Variants in MDFIC observed in about 807,000 individuals in gnomAD.
MDFIC encodes MyoD family inhibitor domain containing.
A neutral mutation model predicts 23.2 loss-of-function variants in MDFIC; 17 were observed. The ratio of observed to expected loss-of-function variants is 0.73; its 90% CI spans 0.50 to 1.10. The LOEUF (loss-of-function observed/expected upper bound fraction) is 1.10, where lower values mean the gene tolerates loss of function less well. Among genes scored for constraint, MDFIC ranks in the 50% least tolerant of loss-of-function variants. The pLI, the probability that MDFIC is intolerant of heterozygous loss-of-function variation, is 0.00. For synonymous variants in MDFIC, 120 were observed against 115.2 expected, an observed-to-expected ratio of 1.04 and a Z score of -0.27; for missense variants, 356 against 316.6, an observed-to-expected ratio of 1.12 and a Z score of -0.95.
At chr7:114,932,535 G>C (rs1792334203) in intron 2 of MDFIC, among the ~76,000 whole-genome samples, 2 of 152,220 alleles carry the variant, frequency 1.3e-5, no homozygotes, top group African/African-American at 4.8e-5. Flanking sequence ...AGTTGCTAAA[G>C]ATATATTTAT....
intron 3 of MDFIC, among the ~76,000 whole-genome samples, chr7:114,954,630 G>A (rs1017808157): frequency 6.6e-6 from 1 of 152,282 alleles, no homozygotes; most frequent in East Asian, 1.9e-4. Flanking sequence ...TGTTCTGTAA[G>A]GATTCAGATT....
intron 2 of MDFIC, among the ~76,000 whole-genome samples, chr7:114,934,841 G>A (rs974029285): frequency 6.6e-6 from 1 of 152,134 alleles, no homozygotes; most frequent in African/African-American, 2.4e-5. Context: ...TTTGGACAAT[G>A]CATTTTTAAT....
intron 2 of MDFIC, 121 bp downstream of exon 2, chr7:114,923,248 G>C: frequency 7.4e-7 from 1 of 1,359,500 alleles, no homozygotes; most frequent in South Asian, 1.3e-5. Context: ...TCGTAGTTGA[G>C]AACTTTTGCA....
At chr7:114,961,826 C>A (rs999255152) in intron 3 of MDFIC, among the ~76,000 whole-genome samples, 1 of 152,076 alleles carries the variant, frequency 6.6e-6, no homozygotes, top group South Asian at 2.1e-4. Flanking sequence ...CCATTAGACC[C>A]GCTCCTACAA....
chr7:115,012,667 G>C (rs907754010), intron 4 of MDFIC, among the ~76,000 whole-genome samples: 2 of 152,060 alleles, frequency 1.3e-5, no homozygotes, highest in Non-Finnish European at 2.9e-5. Flanking sequence ...CACTGATGAT[G>C]ACCAAAATAT....
intron 3 of MDFIC, among the ~76,000 whole-genome samples, chr7:114,958,754 GA>G (rs1483019473): frequency 6.6e-6 from 1 of 151,996 alleles, no homozygotes; most frequent in Admixed American, 6.6e-5. Flanking sequence ...TCCATCTCAA[GA>G]AAACAACAAC....
At chr7:114,966,201 T>G (rs1379544326) in intron 3 of MDFIC, among the ~76,000 whole-genome samples, 1 of 152,150 alleles carries the variant, frequency 6.6e-6, no homozygotes, top group Admixed American at 6.5e-5. Flanking sequence ...ATTATTTATT[T>G]TTTGTAGCAA....
Position 115,001,894 on chromosome 7 carries a change from T to C in MDFIC, c.494-13794T>C, listed in dbSNP as rs1340100110. On this transcript the variant is annotated intron_variant, in intron 4 of 4. Coordinates refer to ENST00000393486, the MANE Select transcript of MDFIC (RefSeq NM_001166345.3). ...ACTTACAACTGTAATCCCAGCACTT[T>C]GGGAGGCCAATGGGGACAGATCACC... 2.0e-5 allele frequency among the ~76,000 whole-genome samples: 3 copies of C among 152,306 alleles called. No individual in the cohort carries two copies. In the East Asian group the frequency reaches 5.8e-4, roughly 29 times the overall value.
chr7:114,922,686 C>T, intron 1 of MDFIC, 50 bp downstream of exon 1: 7 of 1,345,452 alleles, frequency 5.2e-6, no homozygotes, highest in Non-Finnish European at 6.7e-6. Context: ...ATCCCCATCC[C>T]CGGGGTTCTC....
At chr7:114,980,995 A>G in intron 4 of MDFIC, among the ~76,000 whole-genome samples, 1 of 152,350 alleles carries the variant, frequency 6.6e-6, no homozygotes, top group Middle Eastern at 3.4e-3. Context: ...CAAACTAATT[A>G]GATTGAAAGG....
intron 3 of MDFIC, among the ~76,000 whole-genome samples, chr7:114,967,161 A>G (rs35807212): frequency 0.026 from 3,932 of 152,256 alleles, 98 homozygotes; most frequent in South Asian, 0.11. Context: ...AAGAGATTAC[A>G]GATTTTGTTC....
At chr7:114,973,992 A>C (rs1298669442) in intron 3 of MDFIC, among the ~76,000 whole-genome samples, 1 of 152,194 alleles carries the variant, frequency 6.6e-6, no homozygotes, top group Non-Finnish European at 1.5e-5. Flanking sequence ...AAATAAAAAA[A>C]AGATTAGAAG....
chr7:114,956,496 G>A (rs1792888018), intron 3 of MDFIC, among the ~76,000 whole-genome samples: 1 of 151,964 alleles, frequency 6.6e-6, no homozygotes, highest in Admixed American at 6.6e-5. Context: ...CAATGGATAG[G>A]TAGAGAATCA....
rs116229874 is a variant in MDFIC, at chr7:114,972,406, C to T, written c.218-7100C>T. ...CCCAGGAAGCCCCACCCCACTCTAC[C>T]ACCCCCTTAGACCTGAGTAAACTGG... On this transcript the variant is annotated intron_variant, in intron 3 of 4. Coordinates refer to ENST00000393486, the MANE Select transcript of MDFIC (RefSeq NM_001166345.3). Among the ~76,000 whole-genome samples, 1,205 of 152,182 alleles carry T rather than the reference C, an allele frequency of 7.9e-3. 16 individuals are homozygous for T. Among genetic ancestry groups the T allele is most frequent in the African/African-American group, 0.028 (1,167 of 41,520 alleles).
At chr7:114,956,330 A>T (rs1792882743) in intron 3 of MDFIC, among the ~76,000 whole-genome samples, 1 of 150,266 alleles carries the variant, frequency 6.7e-6, no homozygotes, top group Non-Finnish European at 1.5e-5. Flanking sequence ...GGCTTAATAC[A>T]TAAATATTAT....
In MDFIC at chr7:115,015,833, C is replaced by T; in HGVS notation, c.639C>T (p.Asn213=). Residue 213 remains asparagine, a synonymous_variant, in exon 5 of 5, where the codon AAC becomes AAT. Transcript: ENST00000393486. The part of the protein sequence containing the change: ...CCGDEMGDDC[N]CPCDMDCGIM... ...GTGACGAGATGGGGGATGATTGTAACTGCCCTTGTGATATGGACTGTGGCA... is the reference window on the plus strand; with the variant it reads ...GTGACGAGATGGGGGATGATTGTAATTGCCCTTGTGATATGGACTGTGGCA... 1 of 1,614,224 alleles carries T rather than the reference C, an allele frequency of 6.2e-7. No homozygotes were observed. The highest frequency in any genetic ancestry group is 8.5e-7 in the Non-Finnish European group (1 of 1,180,050).
At chr7:114,935,442 A>G (rs1269647720) in intron 2 of MDFIC, among the ~76,000 whole-genome samples, 1 of 152,120 alleles carries the variant, frequency 6.6e-6, no homozygotes, top group Admixed American at 6.5e-5. Flanking sequence ...TTTTATAAAG[A>G]TTCCTGCCAA....
chr7:115,019,021 T>TA lies in MDFIC; in HGVS notation c.*3087dup, dbSNP rs551568528. ...TGTCAAAATACAAGTTTTTTTTTTT[T>TA]ACATCGTTTTAGTAAGTTAATTTCA... On this transcript the variant is annotated 3_prime_UTR_variant, in exon 5 of 5. Transcript: ENST00000393486. 2 of 151,742 alleles carry TA rather than the reference T, an allele frequency of 1.3e-5. No homozygotes were observed. The highest frequency in any genetic ancestry group is 1.9e-4 in the East Asian group (1 of 5,164). The allele number at this position is 151,742 out of a possible 1,614,324, so 9.4% of individuals were successfully genotyped here. A position where few individuals can be genotyped will look rare whatever the true frequency, so the allele number is the denominator to read the frequency against.
At chr7:114,924,793 A>G (rs560193643) in intron 2 of MDFIC, among the ~76,000 whole-genome samples, 13 of 152,348 alleles carry the variant, frequency 8.5e-5, no homozygotes, top group Non-Finnish European at 1.6e-4. Flanking sequence ...TCTTGTTAAA[A>G]TATGATGTCT....
Sources: gnomAD v4.1 joint callset for allele counts (sites outside exome capture counted in the v4.1 genomes callset) on GRCh38, gnomAD v4.1.1 for gene constraint, MANE v1.5 for transcripts, NCBI Gene and HGNC (gene_info 2026-07-23, HGNC 2026-07-21) for gene names.